The following ZNF668 variants were observed in gnomAD, a reference collection of about 807,000 sequenced individuals.
ZNF668 encodes the protein zinc finger protein 668.
A neutral mutation model predicts 40.3 loss-of-function variants in ZNF668; 10 were observed. The observed-to-expected ratio is 0.25, with a 90% CI of 0.15 to 0.42. The LOEUF (loss-of-function observed/expected upper bound fraction) is 0.42, where lower values mean the gene tolerates loss of function less well. Among genes scored for constraint, ZNF668 ranks in the 10% least tolerant of loss-of-function variants. The pLI, the probability that ZNF668 is intolerant of heterozygous loss-of-function variation, is 1.00. For synonymous variants in ZNF668, 428 were observed against 384.6 expected, an observed-to-expected ratio of 1.11 and a Z score of -1.32; for missense variants, 749 against 904.6, an observed-to-expected ratio of 0.83 and a Z score of 2.21.
rs183573515 is a variant in ZNF668 at position 31,064,569 on chromosome 16, C to T, written c.-22-88G>A. 5.1e-6 allele frequency: 8 copies of T among 1,572,752 alleles called. No homozygotes were observed. In the Admixed American group the frequency reaches 9.1e-5, roughly 18 times the overall value. On this transcript the variant is annotated intron_variant, in intron 1 of 2. Transcript: ENST00000300849. ...AGAACCCTATCTCATCTGCATTTCT[C>T]ACCTCGGAACCCACACATCCTTCCT...
intron 1 of ZNF668, among the ~76,000 whole-genome samples, chr16:31,069,765 C>T (rs1489100440): frequency 7.7e-5 from 11 of 143,372 alleles, no homozygotes; most frequent in African/African-American, 1.3e-4. Flanking sequence ...CCACCACGCC[C>T]GGCTATTTTT....
chr16:31,070,855 T>G (rs967965635), intron 1 of ZNF668, among the ~76,000 whole-genome samples: 1 of 151,174 alleles, frequency 6.6e-6, no homozygotes, highest in Non-Finnish European at 1.5e-5. Context: ...TTTATTTATT[T>G]TATTATTTAT....
chr16:31,062,450 G>A (rs2056939073), intron 2 of ZNF668, 170 bp from the exon 3 acceptor site: 2 of 952,660 alleles, frequency 2.1e-6, no homozygotes, highest in East Asian at 5.3e-5. Context: ...GGCTGGCTGG[G>A]TGTCTCTATT....
At chr16:31,064,918 G>C in intron 1 of ZNF668, 1 of 1,386,116 alleles carries the variant, frequency 7.2e-7, no homozygotes, top group Non-Finnish European at 9.3e-7. Context: ...GACCAGAAAA[G>C]GGCTGAGCCA....
chr16:31,063,820 G>T lies in ZNF668; in HGVS notation c.640C>A (p.His214Asn). ...CCCGGAAGGCACCCTCACCGCTCATGGTTGCGGAGGTCCTTGAGCTCCGCA... is the reference window on the plus strand; with the variant it reads ...CCCGGAAGGCACCCTCACCGCTCATTGTTGCGGAGGTCCTTGAGCTCCGCA... ...AYAELKDLRN[H>N]ERSHTGERPF... The change falls in exon 2 of 3, where the codon CAT becomes AAT. Residue 214 changes from histidine to asparagine, a missense_variant. This residue lies in a region of ZNF668 where 151 missense variants were observed against 178.6 expected (regional missense o/e 0.85). Coordinates refer to ENST00000300849, the MANE Select transcript of ZNF668 (RefSeq NM_024706.5). 1 of 1,571,154 alleles carries T rather than the reference G, an allele frequency of 6.4e-7. No homozygotes were observed.
At chr16:31,073,231 G>C (rs936955831) in intron 1 of ZNF668, 1 of 152,392 alleles carries the variant, frequency 6.6e-6, no homozygotes, top group Non-Finnish European at 1.5e-5. Context: ...ATGAATGGAC[G>C]GAAGGCCGAA....
At chr16:31,063,549 A>C (rs998445510) in intron 2 of ZNF668, among the ~76,000 whole-genome samples, 1 of 152,050 alleles carries the variant, frequency 6.6e-6, no homozygotes, top group African/African-American at 2.4e-5. Context: ...GCCCAACTCC[A>C]AACCCCGCCC....
At chr16:31,071,377 C>T (rs770849496) in intron 1 of ZNF668, among the ~76,000 whole-genome samples, 10 of 150,124 alleles carry the variant, frequency 6.7e-5, no homozygotes, top group Non-Finnish European at 1.5e-4. Flanking sequence ...ACATTGGCCA[C>T]GCTGGTCTCG....
intron 1 of ZNF668, chr16:31,068,918 C>T (rs1350238167): frequency 6.6e-6 from 1 of 152,202 alleles, no homozygotes; most frequent in Non-Finnish European, 1.5e-5. Flanking sequence ...CCAACCAATA[C>T]TTAAGAACCA....
Position 31,066,209 on chromosome 16 carries a change from G to C in ZNF668, c.-22-1728C>G, listed in dbSNP as rs115574487. On this transcript the variant is annotated intron_variant, in intron 1 of 2. Coordinates refer to ENST00000300849, the MANE Select transcript of ZNF668 (RefSeq NM_024706.5). ...ATGATGTTTCCTGTTCCCTGCTCAA[G>C]AACTTTCCATGGCTTCCACCACACC... 2,408 of 985,414 alleles carry C rather than the reference G, an allele frequency of 2.4e-3. 51 individuals carry two copies. The African/African-American group carries it at 0.038, about 15-fold the overall frequency. The allele number at this position is 985,414 out of a possible 1,614,324, so 61.0% of individuals were successfully genotyped here. A position where few individuals can be genotyped will look rare whatever the true frequency, so the allele number is the denominator to read the frequency against.
rs111448361 is a variant in ZNF668, at chr16:31,063,797, C to T, written c.647+16G>A. On this transcript the variant is annotated intron_variant, in intron 2 of 2. Transcript: ENST00000300849. ...CCCTGCCCCGGAAGGCGCCCTGCCC[C>T]GGAAGGCACCCTCACCGCTCATGGT... 4.8e-5 allele frequency: 74 copies of T among 1,540,850 alleles called. 1 individual carries two copies. The African/African-American group carries it at 5.9e-4, about 12-fold the overall frequency.
intron 1 of ZNF668, chr16:31,072,891 T>G (rs1241550561): frequency 1.3e-5 from 2 of 152,258 alleles, no homozygotes; most frequent in African/African-American, 4.8e-5. Flanking sequence ...TTTACATCCT[T>G]CAAGAACCCC....
In ZNF668 at chr16:31,067,622, G is replaced by A. The variant is rs543661280; in HGVS notation, c.-22-3141C>T. Among the ~76,000 whole-genome samples the A allele has an allele frequency of 3.5e-4, 53 of 152,278 alleles. No homozygotes were observed. The East Asian group carries it at 7.7e-3, about 22-fold the overall frequency. On this transcript the variant is annotated intron_variant, in intron 1 of 2. Transcript: ENST00000300849. The stretch of plus-strand genomic sequence containing the variant: ...AATTACTGTCCTCAATTATCAAAGC[G>A]TCTTCTTAGAGCCAGACACATTGCT...
chr16:31,065,071 C>T (rs1352233187), intron 1 of ZNF668: 4 of 1,035,018 alleles, frequency 3.9e-6, no homozygotes, highest in South Asian at 7.5e-5. Context: ...TACGGGCCTC[C>T]GCCCCAGACT....
At chr16:31,062,313 G>A (rs745530250) in intron 2 of ZNF668, 33 bp from the exon 3 acceptor site, 16 of 1,562,990 alleles carry the variant, frequency 1.0e-5, no homozygotes, top group African/African-American at 4.0e-5. Context: ...GCATGAAGGC[G>A]ACAGACCCAT....
intron 1 of ZNF668, among the ~76,000 whole-genome samples, chr16:31,068,220 T>TA (rs767511878): frequency 0.012 from 108 of 9,378 alleles, 4 homozygotes; most frequent in African/African-American, 0.012. Flanking sequence ...ATCCCACCAT[T>TA]AAAAAAAAAA....
chr16:31,063,110 AAAAAC>A (rs150265685), intron 2 of ZNF668, among the ~76,000 whole-genome samples: 60,022 of 151,382 alleles, frequency 0.4, 12,359 homozygotes, highest in South Asian at 0.71. Context: ...ACAAACAAAC[AAAAAC>A]AAAACAAAAC....
In ZNF668 at chr16:31,062,126, G is replaced by C. The variant is rs2056934104; in HGVS notation, c.802C>G (p.Gln268Glu). 6.2e-7 allele frequency: 1 copy of C among 1,613,770 alleles called. No individual in the cohort carries two copies. The highest frequency in any genetic ancestry group is 1.7e-5 in the Admixed American group (1 of 59,990). Residue 268 changes from glutamine to glutamate, a missense_variant, in exon 3 of 3, where the codon CAG becomes GAG. Gln to Glu is a conservative substitution (Grantham distance 29, BLOSUM62 2). Transcript: ENST00000300849. ...GKGFTQLSSY[Q>E]SHERTHSGEK... is the part of the protein sequence containing the mutation. ...CCCGAGTGCGTGCGCTCGTGGCTCT[G>C]GTAGGAACTGAGCTGCGTGAAGCCC...
rs145692824 is a variant in ZNF668, at chr16:31,071,199, C to CT, written c.-23+2459dup. 1.4e-3 allele frequency among the ~76,000 whole-genome samples: 208 copies of CT among 151,372 alleles called. 2 individuals carry two copies. In the East Asian group the frequency reaches 0.025, roughly 19 times the overall value. On this transcript the variant is annotated intron_variant, in intron 1 of 2. Coordinates refer to ENST00000300849, the MANE Select transcript of ZNF668 (RefSeq NM_024706.5). ...TTATTTATTTTCTTTGAGAGAAAGT[C>CT]TTTGTTGCCCAGGCTGGAGTGCAGT...
Sources: allele counts gnomAD v4.1 joint callset (sites outside exome capture counted in the v4.1 genomes callset), GRCh38; gene constraint gnomAD v4.1.1; regional missense constraint gnomAD v4.1.1; transcripts MANE v1.5; gene names NCBI Gene and HGNC (gene_info 2026-07-23, HGNC 2026-07-21).